Variants in ARHGAP29 observed in about 807,000 individuals in gnomAD.
The protein encoded by ARHGAP29 is rho GTPase-activating protein 29.
ARHGAP29 carries 43 observed loss-of-function variants against 122.6 expected under a neutral mutation model. The observed-to-expected ratio is 0.35, with a 90% CI of 0.27 to 0.45. ARHGAP29 has a LOEUF of 0.45. Ranked by LOEUF, ARHGAP29 falls within the 20% of genes least tolerant of loss-of-function variation. The pLI is 1.00. For synonymous variants in ARHGAP29, 506 were observed against 497.1 expected (o/e 1.02, Z -0.24); for missense variants, 1,303 against 1,477.2 (o/e 0.88, Z 1.93).
chr1:94,261,753 G>T (rs1654564471), intron 1 of ARHGAP29, among the ~76,000 whole-genome samples: 1 of 152,138 alleles, frequency 6.6e-6, no homozygotes. Flanking sequence ...AGAAATCAGA[G>T]ATGACACAGA....
chr1:94,202,754 A>G (rs773226205), intron 10 of ARHGAP29, 22 bp from the exon 11 acceptor site: 32 of 1,604,106 alleles, frequency 2.0e-5, no homozygotes, highest in Non-Finnish European at 2.6e-5. Flanking sequence ...AGAGTATTAA[A>G]CACAGAATAT....
At chr1:94,226,214 C>G (rs1212185689) in intron 2 of ARHGAP29, among the ~76,000 whole-genome samples, 1 of 151,748 alleles carries the variant, frequency 6.6e-6, no homozygotes, top group Non-Finnish European at 1.5e-5. Context: ...AGGAAAGTCC[C>G]AATTTTTGTC....
In ARHGAP29 at chr1:94,201,771, A is replaced by G; in HGVS notation, c.1230T>C (p.Ile410=). ...AAACAAGTGTCCGGAGTTGTGCTAA[A>G]ATTTCTCTTTTGGTATTTTCTAGAT... ...RNDLENTKRE[I]LAQLRTLVFQ... is the part of the protein sequence containing the mutation. The change falls in exon 12 of 23, where the codon ATT becomes ATC. Residue 410 remains isoleucine (I), a synonymous_variant. Coordinates refer to ENST00000260526, the MANE Select transcript of ARHGAP29 (RefSeq NM_004815.4). 1 of 1,613,926 alleles carries G rather than the reference A, an allele frequency of 6.2e-7. No homozygotes were observed. The highest frequency in any genetic ancestry group is 8.5e-7 in the Non-Finnish European group (1 of 1,179,964).
At chr1:94,220,012 A>C (rs750416453) in intron 3 of ARHGAP29, among the ~76,000 whole-genome samples, 1 of 152,206 alleles carries the variant, frequency 6.6e-6, no homozygotes, top group East Asian at 1.9e-4. Context: ...TTTAAACATC[A>C]GTTGTTTGGT....
intron 1 of ARHGAP29, among the ~76,000 whole-genome samples, chr1:94,272,382 A>G (rs1655024756): frequency 1.3e-5 from 2 of 152,186 alleles, no homozygotes; most frequent in Admixed American, 1.3e-4. Context: ...TGTGTGGAGA[A>G]GGGGATCTGT....
At chr1:94,220,699 G>GT (rs1431535857) in intron 2 of ARHGAP29, among the ~76,000 whole-genome samples, 1 of 151,918 alleles carries the variant, frequency 6.6e-6, no homozygotes, top group African/African-American at 2.4e-5. Flanking sequence ...ACTTTATAAG[G>GT]TAAGTTTTTC....
intron 7 of ARHGAP29, 47 bp from the exon 8 acceptor site, chr1:94,204,041 T>G: frequency 6.8e-7 from 1 of 1,470,878 alleles, no homozygotes; most frequent in South Asian, 1.2e-5. Flanking sequence ...AATTTATTTT[T>G]CCCCCTGTAT....
Position 94,171,849 on chromosome 1 carries a change from G to A in ARHGAP29, c.*2020C>T. ...AAAAGAGAACTGAAGAAGTTTAAAA[G>A]TACATTTTCTAAGTTTTAGTATAGG... On this transcript the variant is annotated 3_prime_UTR_variant, in exon 23 of 23. Transcript: ENST00000260526. 1 of 152,104 alleles carries A rather than the reference G, an allele frequency of 6.6e-6. No homozygotes were observed. The highest frequency in any genetic ancestry group is 1.9e-4 in the East Asian group (1 of 5,194). The allele number at this position is 152,104 out of a possible 1,614,324, so 9.4% of individuals were successfully genotyped here.
Position 94,203,005 on chromosome 1 carries a change from A to G in ARHGAP29, c.874-7T>C, listed in dbSNP as rs370840610. 1.7e-4 allele frequency: 266 copies of G among 1,603,980 alleles called. No homozygotes were observed. The highest frequency in any genetic ancestry group is 1.5e-4 in the Non-Finnish European group (174 of 1,177,496). ...TTTTCCTTCCAAGTAGAGGCTGTGA[A>G]AGGTATTTAAAATGGAAAAAGAGAA... On this transcript the variant is annotated splice_polypyrimidine_tract_variant and splice_region_variant and intron_variant, in intron 9 of 22. Coordinates refer to ENST00000260526, the MANE Select transcript of ARHGAP29 (RefSeq NM_004815.4).
At chr1:94,259,940 A>G (rs1654494563) in intron 1 of ARHGAP29, among the ~76,000 whole-genome samples, 1 of 152,248 alleles carries the variant, frequency 6.6e-6, no homozygotes, top group Non-Finnish European at 1.5e-5. Context: ...TGGCCGAAGA[A>G]TGAACTTTTC....
At chr1:94,281,380 CAT>C in the ARHGAP29 span, among the ~76,000 whole-genome samples, 8 of 152,164 alleles carry the variant, frequency 5.3e-5, no homozygotes, top group Admixed American at 4.6e-4. Flanking sequence ...CTTGTGCTAT[CAT>C]ATCTCGCTGG....
intron 3 of ARHGAP29, among the ~76,000 whole-genome samples, chr1:94,218,903 T>A (rs555233598): frequency 1.3e-5 from 2 of 152,296 alleles, no homozygotes; most frequent in East Asian, 3.9e-4. Flanking sequence ...TCTCCAAATA[T>A]GATCCTGTTC....
chr1:94,291,718 T>C, the ARHGAP29 span, among the ~76,000 whole-genome samples: 1 of 152,308 alleles, frequency 6.6e-6, no homozygotes, highest in Admixed American at 6.5e-5. Context: ...TGAAGCTTAG[T>C]TTGGCTGGAT....
intron 1 of ARHGAP29, among the ~76,000 whole-genome samples, chr1:94,261,675 T>C (rs567358551): frequency 1.2e-4 from 19 of 152,108 alleles, no homozygotes; most frequent in South Asian, 1.2e-3. Flanking sequence ...AATAATAAAA[T>C]ACCTAAGAAT....
intron 12 of ARHGAP29, among the ~76,000 whole-genome samples, chr1:94,199,907 C>T (rs143847512): frequency 1.3e-5 from 2 of 152,168 alleles, no homozygotes; most frequent in African/African-American, 4.8e-5. Flanking sequence ...GATAAAGTAA[C>T]ATCCTGTGGG....
chr1:94,210,592 A>G (rs1651525637), intron 3 of ARHGAP29, among the ~76,000 whole-genome samples: 1 of 152,116 alleles, frequency 6.6e-6, no homozygotes, highest in Non-Finnish European at 1.5e-5. Context: ...TCTTCTAAAT[A>G]TCACTGATAC....
chr1:94,186,457 T>G, intron 16 of ARHGAP29, 42 bp downstream of exon 16: 10 of 1,365,028 alleles, frequency 7.3e-6, no homozygotes, highest in Non-Finnish European at 1.0e-5. Context: ...GTGCTACTGA[T>G]TGAGCTGGTT....
At position 94,172,399 on chromosome 1, in the gene ARHGAP29, C is replaced by G. The variant is rs1648789490; in HGVS notation, c.*1470G>C. On this transcript the variant is annotated 3_prime_UTR_variant, in exon 23 of 23. Coordinates refer to ENST00000260526, the MANE Select transcript of ARHGAP29 (RefSeq NM_004815.4). ...ACAATGAGGACTAAAAACAAGCCTT[C>G]AGAAAAAAAAGGGCTGGTTATTGCT... is the stretch of plus-strand genomic sequence containing the variant. 3 of 151,662 alleles carry G rather than the reference C, an allele frequency of 2.0e-5. No homozygotes were observed. Among genetic ancestry groups the G allele is most frequent in the Admixed American group, 2.0e-4 (3 of 15,212 alleles). The allele number at this position is 151,662 out of a possible 1,614,324, so 9.4% of individuals were successfully genotyped here. A position where few individuals can be genotyped will look rare whatever the true frequency, so the allele number is the denominator to read the frequency against.
In ARHGAP29 at chr1:94,199,774, A is replaced by C. The variant is rs899201678; in HGVS notation, c.1281+1946T>G. Among the ~76,000 whole-genome samples the C allele has an allele frequency of 5.3e-5, 8 of 152,206 alleles. 1 individual carries two copies. The highest frequency in any genetic ancestry group is 1.9e-4 in the African/African-American group (8 of 41,532). Reference sequence around the variant, plus strand: ...CTCTACTTAGCTTTCTTTCATCCCTACTTACGCTTGCCAAACCTGGTAATT... The same window carrying C: ...CTCTACTTAGCTTTCTTTCATCCCTCCTTACGCTTGCCAAACCTGGTAATT... On this transcript the variant is annotated intron_variant, in intron 12 of 22. Transcript: ENST00000260526.
Sources: allele counts gnomAD v4.1 joint callset (sites outside exome capture counted in the v4.1 genomes callset), GRCh38; gene constraint gnomAD v4.1.1; transcripts MANE v1.5; gene names NCBI Gene and HGNC (gene_info 2026-07-23, HGNC 2026-07-21).